SMOC2: variants seen among roughly 807,000 people sequenced by gnomAD.
The protein encoded by SMOC2 is SPARC related modular calcium binding 2, also known as SPARC-related modular calcium-binding protein 2.
A neutral mutation model predicts 61.4 loss-of-function variants in SMOC2; 39 were observed. The ratio of observed to expected loss-of-function variants is 0.64; its 90% CI spans 0.49 to 0.83. The LOEUF is 0.83. Among genes scored for constraint, SMOC2 ranks in the 40% least tolerant of loss-of-function variants. The pLI is 0.00. For synonymous variants in SMOC2, 247 were observed against 239.9 expected (o/e 1.03, Z -0.27); for missense variants, 556 against 592.9 (o/e 0.94, Z 0.65).
chr6:168,580,716 C>T (rs993191395), intron 7 of SMOC2, among the ~76,000 whole-genome samples: 3 of 152,034 alleles, frequency 2.0e-5, no homozygotes, highest in Non-Finnish European at 2.9e-5. Flanking sequence ...TGATTTTTTT[C>T]GTTTTTCATA....
intron 1 of SMOC2, among the ~76,000 whole-genome samples, chr6:168,455,998 C>T (rs1033284988): frequency 1.2e-4 from 19 of 152,216 alleles, no homozygotes; most frequent in African/African-American, 3.1e-4. Context: ...TCAGGCAGGG[C>T]GGAGATGCCC....
At position 168,626,428 on chromosome 6, in the gene SMOC2, G is replaced by A. The variant is rs535155031; in HGVS notation, c.907+18189G>A. 1.1e-3 allele frequency among the ~76,000 whole-genome samples: 161 copies of A among 152,326 alleles called. 1 individual carries two copies. The highest frequency in any genetic ancestry group is 0.01 in the Middle Eastern group (3 of 294). ...ATTACTTGAGGTCGTCCAGAGAAGGGGAGACAGCTGCATTTTTCTCTATGT... is the reference window on the plus strand; with the variant it reads ...ATTACTTGAGGTCGTCCAGAGAAGGAGAGACAGCTGCATTTTTCTCTATGT... On this transcript the variant is annotated intron_variant, in intron 9 of 12. Coordinates refer to ENST00000356284, the MANE Select transcript of SMOC2 (RefSeq NM_001166412.2).
intron 1 of SMOC2, among the ~76,000 whole-genome samples, chr6:168,497,337 C>G (rs949912386): frequency 3.3e-5 from 5 of 152,248 alleles, no homozygotes; most frequent in African/African-American, 1.2e-4. Context: ...CTGACAACAT[C>G]CCTTCCCAAA....
chr6:168,656,507 T>TAAAAAAAAAAAAAAAAAAAAAAAAAA (rs5881805), intron 11 of SMOC2, among the ~76,000 whole-genome samples: 2 of 86,796 alleles, frequency 2.3e-5, no homozygotes, highest in African/African-American at 3.9e-5. Flanking sequence ...GACTTTGTGT[T>TAAAAAAAAAAAAAAAAAAAAAAAAAA]AAAAAAAAAA....
At position 168,664,095 on chromosome 6, in the gene SMOC2, G is replaced by C; in HGVS notation, c.1307G>C (p.Ser436Thr). Residue 436 changes from serine to threonine, a missense_variant, in exon 12 of 13, where the codon AGT (serine) becomes ACT (threonine). Ser to Thr is a moderately conservative substitution (Grantham distance 58). Transcript: ENST00000356284. ...CTAGCCCCCAGAGGTCATGCTGAAA[G>C]TACGTCTAATAGACAGGTAAGTATG... The part of the protein sequence containing the change: ...KRHTPRGHAE[S>T]TSNRQPRKQG 1 of 1,604,676 alleles carries C rather than the reference G, an allele frequency of 6.2e-7. No homozygotes were observed. Among genetic ancestry groups the C allele is most frequent in the Non-Finnish European group, 8.5e-7 (1 of 1,177,132 alleles).
chr6:168,544,322 T>C lies in SMOC2; in HGVS notation c.511+650T>C, dbSNP rs1783943801. On this transcript the variant is annotated intron_variant, in intron 5 of 12. Transcript: ENST00000356284. This position sits in a 1 kb window ranked among gnomAD's most constrained non-coding sequence, Gnocchi z 4.1. Reference sequence around the variant, plus strand: ...ATCAGCCTTTAAAGTCAGACGTTGTTTTCAAGATGAGAAGAAATACTTTAG... The same window carrying C: ...ATCAGCCTTTAAAGTCAGACGTTGTCTTCAAGATGAGAAGAAATACTTTAG... Among the ~76,000 whole-genome samples, 1 of 152,180 alleles carries C rather than the reference T, an allele frequency of 6.6e-6. No homozygotes were observed. Among genetic ancestry groups the C allele is most frequent in the Non-Finnish European group, 1.5e-5 (1 of 68,038 alleles).
intron 1 of SMOC2, among the ~76,000 whole-genome samples, chr6:168,459,874 G>T (rs1422513626): frequency 6.6e-6 from 1 of 151,894 alleles, no homozygotes; most frequent in Non-Finnish European, 1.5e-5. Context: ...CCGGGGGTGG[G>T]TGAGACCTTG....
chr6:168,652,943 G>T lies in SMOC2; in HGVS notation c.1011-11G>T. On this transcript the variant is annotated splice_polypyrimidine_tract_variant and intron_variant, in intron 10 of 12. Transcript: ENST00000356284. The stretch of plus-strand genomic sequence containing the variant: ...GTTTAAGCATCCTGACGGCATCTGT[G>T]TTCCTTCCAGGCTCTCAGAACCCGA... The T allele has an allele frequency of 6.2e-7, 1 of 1,611,670 alleles. No individual in the cohort carries two copies. The highest frequency in any genetic ancestry group is 8.5e-7 in the Non-Finnish European group (1 of 1,179,052).
At position 168,475,157 on chromosome 6, in the gene SMOC2, G is replaced by A. The variant is rs765571903; in HGVS notation, c.84+33703G>A. Reference sequence around the variant, plus strand: ...ACGGTCTAGTGAGGAGTTTGGAATCGGGAAGATGAGTTCAAATGCCAGCCC... The same window carrying A: ...ACGGTCTAGTGAGGAGTTTGGAATCAGGAAGATGAGTTCAAATGCCAGCCC... On this transcript the variant is annotated intron_variant, in intron 1 of 12. Transcript: ENST00000356284. The surrounding 1 kb of genome is among the most constrained non-coding windows in gnomAD (Gnocchi z 4.6). Among the ~76,000 whole-genome samples, 5 of 152,212 alleles carry A rather than the reference G, an allele frequency of 3.3e-5. No homozygotes were observed. Among genetic ancestry groups the A allele is most frequent in the African/African-American group, 7.2e-5 (3 of 41,548 alleles).
chr6:168,633,482 G>A (rs1786624942), intron 9 of SMOC2, among the ~76,000 whole-genome samples: 1 of 152,084 alleles, frequency 6.6e-6, no homozygotes, highest in Non-Finnish European at 1.5e-5. Context: ...TAGGCCCTTG[G>A]CTCTCATGCA....
At chr6:168,486,854 G>A (rs1782350819) in intron 1 of SMOC2, among the ~76,000 whole-genome samples, 4 of 152,086 alleles carry the variant, frequency 2.6e-5, no homozygotes, top group Admixed American at 2.6e-4. Context: ...TCCAGGGTAA[G>A]AGCTTAGCCT....
chr6:168,524,894 T>C (rs970213415), intron 2 of SMOC2, among the ~76,000 whole-genome samples: 18 of 152,156 alleles, frequency 1.2e-4, no homozygotes, highest in African/African-American at 4.3e-4. Flanking sequence ...CCCTGGAGCA[T>C]TGTTAGAGGC....
intron 2 of SMOC2, among the ~76,000 whole-genome samples, chr6:168,515,849 A>G (rs1783119770): frequency 6.6e-6 from 1 of 151,876 alleles, no homozygotes. Context: ...GAGTATAAAT[A>G]TTGCACATTC....
At chr6:168,494,706 G>C (rs9346716) in intron 1 of SMOC2, among the ~76,000 whole-genome samples, 27,177 of 152,232 alleles carry the variant, frequency 0.18, 5,282 homozygotes, top group African/African-American at 0.46. Context: ...CTCATACTGG[G>C]GTTTTGCGAT....
At chr6:168,546,516 C>T (rs530421546) in intron 5 of SMOC2, among the ~76,000 whole-genome samples, 1 of 152,280 alleles carries the variant, frequency 6.6e-6, no homozygotes, top group South Asian at 2.1e-4. Context: ...CCAGTCCGCC[C>T]TTTCCTCCAT....
intron 10 of SMOC2, among the ~76,000 whole-genome samples, chr6:168,651,294 T>C (rs1787184591): frequency 6.6e-6 from 1 of 152,196 alleles, no homozygotes; most frequent in African/African-American, 2.4e-5. Flanking sequence ...ATAGGATTTT[T>C]GGAACCCTGG....
intron 1 of SMOC2, among the ~76,000 whole-genome samples, chr6:168,450,646 GTA>G: frequency 6.6e-6 from 1 of 152,292 alleles, no homozygotes; most frequent in African/African-American, 2.4e-5. Context: ...TCCCCAGGAT[GTA>G]AAAGAATGAT....
At chr6:168,643,045 G>C (rs573493120) in intron 9 of SMOC2, among the ~76,000 whole-genome samples, 1 of 152,178 alleles carries the variant, frequency 6.6e-6, no homozygotes, top group East Asian at 1.9e-4. Flanking sequence ...GGCTCTATTT[G>C]GCCCTGGTTA....
chr6:168,450,961 G>A (rs945323481), intron 1 of SMOC2, among the ~76,000 whole-genome samples: 2 of 152,068 alleles, frequency 1.3e-5, no homozygotes, highest in African/African-American at 2.4e-5. Context: ...TTTTCATCTT[G>A]ATTCCATTAT....
Sources: allele counts gnomAD v4.1 joint callset (sites outside exome capture counted in the v4.1 genomes callset), GRCh38; gene constraint gnomAD v4.1.1; non-coding constraint Gnocchi (gnomAD v3.1); transcripts MANE v1.5; gene names NCBI Gene and HGNC (gene_info 2026-07-23, HGNC 2026-07-21).